Variants in TRIM66 observed in about 807,000 individuals in gnomAD.
TRIM66 encodes the protein tripartite motif containing 66.
In TRIM66, 99 loss-of-function variants were observed where a neutral mutation model predicts 148.2. That is an observed-to-expected ratio of 0.67 (90% confidence interval 0.57 to 0.79). TRIM66 has a LOEUF of 0.79. Among genes scored for constraint, TRIM66 ranks in the 30% least tolerant of loss-of-function variants. The pLI is 0.00. For synonymous variants in TRIM66, 616 were observed against 635.9 expected (o/e 0.97, Z 0.47); for missense variants, 1,666 against 1,697.9 (o/e 0.98, Z 0.33).
At chr11:8,628,639 A>AGAGAGAGATT (rs2035105515) in intron 15 of TRIM66, among the ~76,000 whole-genome samples, 1 of 140,618 alleles carries the variant, frequency 7.1e-6, no homozygotes, top group Non-Finnish European at 1.6e-5. Flanking sequence ...AAAAAAAAAG[A>AGAGAGAGATT]GAGAGAATCC....
At chr11:8,672,935 C>G (rs1336357805) in intron 4 of TRIM66, among the ~76,000 whole-genome samples, 1 of 129,870 alleles carries the variant, frequency 7.7e-6, no homozygotes, top group Non-Finnish European at 1.6e-5. Context: ...CTGGCCCATA[C>G]TCTTTTTTTT....
At chr11:8,647,782 T>A (rs1006096997) in intron 10 of TRIM66, among the ~76,000 whole-genome samples, 188 bp downstream of exon 10, 4 of 152,184 alleles carry the variant, frequency 2.6e-5, no homozygotes, top group African/African-American at 9.7e-5. Context: ...CACCAAGGGA[T>A]GACTTAATGA....
At position 8,642,989 on chromosome 11, in the gene TRIM66, G is replaced by A. The variant is rs2036536099; in HGVS notation, c.1222+20C>T. 10 of 1,532,040 alleles carry A rather than the reference G, an allele frequency of 6.5e-6. No homozygotes were observed. Among genetic ancestry groups the A allele is most frequent in the Non-Finnish European group, 8.8e-6 (10 of 1,133,758 alleles). 94.9% of individuals were successfully genotyped at this position (1,532,040 alleles called of 1,614,324 possible). A position where few individuals can be genotyped will look rare whatever the true frequency, so the allele number is the denominator to read the frequency against. The stretch of plus-strand genomic sequence containing the variant: ...AAGCCCACAGGGTGGGTAGGCCTGG[G>A]TGGGTGGGTCCAAGCTCACCAAGAG... On this transcript the variant is annotated intron_variant, in intron 13 of 24. Transcript: ENST00000646038.
At chr11:8,621,407 A>C in intron 19 of TRIM66, 86 bp from the exon 20 acceptor site, 2 of 1,447,438 alleles carry the variant, frequency 1.4e-6, no homozygotes, top group Non-Finnish European at 1.8e-6. Context: ...CAGGCCCTGC[A>C]TGCCTACATG....
rs1232376941 is a variant in TRIM66 at position 8,613,867 on chromosome 11, T to C, written c.*4077A>G. 1 of 151,634 alleles carries C rather than the reference T, an allele frequency of 6.6e-6. No homozygotes were observed. The highest frequency in any genetic ancestry group is 2.4e-5 in the African/African-American group (1 of 41,176). The allele number at this position is 151,634 out of a possible 1,614,324, so 9.4% of individuals were successfully genotyped here. A position where few individuals can be genotyped will look rare whatever the true frequency, so the allele number is the denominator to read the frequency against. On this transcript the variant is annotated 3_prime_UTR_variant, in exon 25 of 25. Coordinates refer to ENST00000646038, the MANE Select transcript of TRIM66 (RefSeq NM_001388022.1). ...CTCAGTCATTTGTGGAGGACAAAGATGGAGGCATGGGTGGGGAAAAAAAAA... is the reference window on the plus strand; with the variant it reads ...CTCAGTCATTTGTGGAGGACAAAGACGGAGGCATGGGTGGGGAAAAAAAAA...
rs1379289344 is a variant in TRIM66 at position 8,672,376 on chromosome 11, C to T, written c.-102G>A. The T allele has an allele frequency of 1.5e-5, 23 of 1,501,056 alleles. No homozygotes were observed. The highest frequency in any genetic ancestry group is 3.8e-5 in the South Asian group (3 of 78,762). 93.0% of individuals were successfully genotyped at this position (1,501,056 alleles called of 1,614,324 possible). A position where few individuals can be genotyped will look rare whatever the true frequency, so the allele number is the denominator to read the frequency against. On this transcript the variant is annotated 5_prime_UTR_variant, in exon 5 of 25. Coordinates refer to ENST00000646038, the MANE Select transcript of TRIM66 (RefSeq NM_001388022.1). The stretch of plus-strand genomic sequence containing the variant: ...ACCTGTGCCTCTCCTTATTGGTAGA[C>T]AAGCTTGACCTAAGTTTCAATTTTG...
upstream of TRIM66, chr11:8,683,181 C>T: frequency 6.2e-7 from 1 of 1,613,780 alleles, no homozygotes. Flanking sequence ...TAGGCCTTAC[C>T]ACCAAGCTTT....
At chr11:8,666,401 T>C (rs1168613331) in intron 6 of TRIM66, among the ~76,000 whole-genome samples, 1 of 147,610 alleles carries the variant, frequency 6.8e-6, no homozygotes, top group African/African-American at 2.5e-5. Flanking sequence ...ATACATATTA[T>C]ATGAGAAATT....
In TRIM66 at chr11:8,649,184, C is replaced by T. The variant is rs546322052; in HGVS notation, c.592+556G>A. On this transcript the variant is annotated intron_variant, in intron 8 of 24. Transcript: ENST00000646038. Reference sequence around the variant, plus strand: ...CGAAACCCCATCTCTACTAAAACTACAAACATTAGCTGGGCGCGGTGGCGC... The same window carrying T: ...CGAAACCCCATCTCTACTAAAACTATAAACATTAGCTGGGCGCGGTGGCGC... Among the ~76,000 whole-genome samples, 27 of 152,226 alleles carry T rather than the reference C, an allele frequency of 1.8e-4. 1 individual carries two copies. The South Asian group carries it at 5.6e-3, about 32-fold the overall frequency.
At chr11:8,674,923 A>G (rs559097822) in intron 3 of TRIM66, 40 bp from the exon 4 acceptor site, 1 of 152,356 alleles carries the variant, frequency 6.6e-6, no homozygotes, top group East Asian at 1.9e-4. Context: ...TTATCAGGTA[A>G]TTGTGGATAT....
chr11:8,648,493 T>C lies in TRIM66; in HGVS notation c.648A>G (p.Glu216=), dbSNP rs2037063839. Residue 216 remains glutamate, a synonymous_variant, in exon 9 of 25, where the codon GAA becomes GAG. Coordinates refer to ENST00000646038, the MANE Select transcript of TRIM66 (RefSeq NM_001388022.1). ...FTLYCPLHTQ[E]VLKLFCETCD... ...ATGTCTCACAGAATAGCTTGAGTACTTCCTGTGTGTGTAGAGGACAATACA... is the reference window on the plus strand; with the variant it reads ...ATGTCTCACAGAATAGCTTGAGTACCTCCTGTGTGTGTAGAGGACAATACA... 1.3e-6 allele frequency: 2 copies of C among 1,551,772 alleles called. No individual in the cohort carries two copies. Among genetic ancestry groups the C allele is most frequent in the Non-Finnish European group, 1.7e-6 (2 of 1,147,008 alleles).
In TRIM66 at chr11:8,671,737, G is replaced by A. The variant is rs2038943856; in HGVS notation, c.340+49C>T. ...AAATTCAGTTCCTATGAAACAGGAAGAGACCTGTTATGTAGTGGGAGGTGA... is the reference window on the plus strand; with the variant it reads ...AAATTCAGTTCCTATGAAACAGGAAAAGACCTGTTATGTAGTGGGAGGTGA... On this transcript the variant is annotated intron_variant, in intron 6 of 24. Coordinates refer to ENST00000646038, the MANE Select transcript of TRIM66 (RefSeq NM_001388022.1). 4.8e-6 allele frequency: 4 copies of A among 826,534 alleles called. No homozygotes were observed. The East Asian group carries it at 1.1e-4, about 22-fold the overall frequency. 51.2% of individuals were successfully genotyped at this position (826,534 alleles called of 1,614,324 possible).
chr11:8,618,774 T>C lies in TRIM66; in HGVS notation c.4095A>G (p.Gln1365=), dbSNP rs1054134857. The C allele has an allele frequency of 1.3e-6, 2 of 1,550,764 alleles. No individual in the cohort carries two copies. The highest frequency in any genetic ancestry group is 1.7e-6 in the Non-Finnish European group (2 of 1,146,810). Residue 1365 remains glutamine, a synonymous_variant, in exon 24 of 25, where the codon CAA becomes CAG. Coordinates refer to ENST00000646038, the MANE Select transcript of TRIM66 (RefSeq NM_001388022.1). Reference sequence around the variant, plus strand: ...CCATATGTCGTCGCCGCCTCTTGGGTTGGATGCCCTCCTGCATGTAGGGAG... The same window carrying C: ...CCATATGTCGTCGCCGCCTCTTGGGCTGGATGCCCTCCTGCATGTAGGGAG... ...PWPPYMQEGI[Q]PKRRRRHMEN...
At chr11:8,643,218 A>C (rs1347816564) in intron 12 of TRIM66, 92 bp from the exon 13 acceptor site, 7 of 1,076,588 alleles carry the variant, frequency 6.5e-6, no homozygotes, top group Non-Finnish European at 9.4e-6. Flanking sequence ...TGAAAGGCTC[A>C]AAGTCATGGC....
intron 23 of TRIM66, 65 bp downstream of exon 23, chr11:8,619,314 ACCCT>A: frequency 1.5e-6 from 2 of 1,349,052 alleles, no homozygotes; most frequent in Non-Finnish European, 2.0e-6. Context: ...TAACCTCCCA[ACCCT>A]ACCCACCCAT....
At position 8,648,662 on chromosome 11, in the gene TRIM66, C is replaced by T. The variant is rs1259997651; in HGVS notation, c.593-114G>A. 4 of 1,293,654 alleles carry T rather than the reference C, an allele frequency of 3.1e-6. No homozygotes were observed. In the Admixed American group the frequency reaches 9.7e-5, roughly 31 times the overall value. The allele number at this position is 1,293,654 out of a possible 1,614,324, so 80.1% of individuals were successfully genotyped here. ...GAGGACACTGCAGAAATACAGAGCT[C>T]GGGGGAAGTGTTATAAACAGGAGAT... On this transcript the variant is annotated intron_variant, in intron 8 of 24. Coordinates refer to ENST00000646038, the MANE Select transcript of TRIM66 (RefSeq NM_001388022.1).
At chr11:8,649,642 C>T (rs2037178197) in intron 8 of TRIM66, 98 bp downstream of exon 8, 3 of 1,455,678 alleles carry the variant, frequency 2.1e-6, no homozygotes, top group Admixed American at 2.3e-5. Flanking sequence ...CCTTCTCCCC[C>T]AGCAAGAAAA....
At position 8,666,062 on chromosome 11, in the gene TRIM66, C is replaced by T. The variant is rs184315721; in HGVS notation, c.340+5724G>A. The stretch of plus-strand genomic sequence containing the variant: ...CTACTAAAGAATATAAGAAGCTGGG[C>T]GCAGTGGCTCACTCCTGTAATTCTG... On this transcript the variant is annotated intron_variant, in intron 6 of 24. Transcript: ENST00000646038. 2.4e-4 allele frequency among the ~76,000 whole-genome samples: 37 copies of T among 152,130 alleles called. 1 individual carries two copies. Among genetic ancestry groups the T allele is most frequent in the African/African-American group, 7.5e-4 (31 of 41,510 alleles).
At position 8,624,879 on chromosome 11, in the gene TRIM66, C is replaced by T. The variant is rs1049342485; in HGVS notation, c.2660G>A (p.Gly887Asp). The change falls in exon 16 of 25, where the codon GGT becomes GAT. Residue 887 changes from glycine to aspartate, a missense_variant. Gly to Asp is a moderately conservative substitution (Grantham distance 94). This residue lies in a region of TRIM66 where 1,431 missense variants were observed against 1,412.4 expected (regional missense o/e 1.01). Transcript: ENST00000646038. ...HPQAGPSLMS[G>D]HTQAVPSLAT... ...CAGACTCGGCACAGCCTGGGTGTGA[C>T]CAGACATTAGGCTGGGCCCAGCCTG... 1 of 1,551,654 alleles carries T rather than the reference C, an allele frequency of 6.4e-7. No individual in the cohort carries two copies.
Sources: gnomAD v4.1 joint callset for allele counts (sites outside exome capture counted in the v4.1 genomes callset) on GRCh38, gnomAD v4.1.1 for gene constraint, gnomAD v4.1.1 regional missense constraint, MANE v1.5 for transcripts, NCBI Gene and HGNC (gene_info 2026-07-23, HGNC 2026-07-21) for gene names.